The following DGKB variants were observed in gnomAD, a reference collection of about 807,000 sequenced individuals.
The protein encoded by DGKB is 90 kDa diacylglycerol kinase.
In DGKB, 67 loss-of-function variants were observed where a neutral mutation model predicts 114.3. The observed-to-expected ratio is 0.59, with a 90% CI of 0.48 to 0.72. The LOEUF (loss-of-function observed/expected upper bound fraction) is 0.72. Ranked by LOEUF, DGKB falls within the 30% of genes least tolerant of loss-of-function variation. The pLI is 0.00. For missense variants in DGKB, 907 were observed against 975.2 expected (o/e 0.93, Z 0.93); for synonymous variants, 398 against 323.1 (o/e 1.23, Z -2.49).
chr7:14,862,631 G>GC (rs1349637122), intron 1 of DGKB, among the ~76,000 whole-genome samples: 2 of 151,996 alleles, frequency 1.3e-5, no homozygotes, highest in African/African-American at 4.8e-5. Flanking sequence ...TCAACTCTTA[G>GC]CCAATTGTAA....
At chr7:14,639,004 C>T (rs1216320269) in intron 13 of DGKB, among the ~76,000 whole-genome samples, 1 of 152,084 alleles carries the variant, frequency 6.6e-6, no homozygotes, top group East Asian at 1.9e-4. Context: ...CGCCACTGCA[C>T]TGCAGCCTGG....
At chr7:14,700,317 G>A (rs1012414463) in intron 7 of DGKB, among the ~76,000 whole-genome samples, 2 of 151,442 alleles carry the variant, frequency 1.3e-5, no homozygotes, top group Non-Finnish European at 2.9e-5. Flanking sequence ...GGGTTCAAGC[G>A]GTTCTCCTGC....
chr7:14,217,016 C>G (rs1789095002), intron 23 of DGKB, among the ~76,000 whole-genome samples: 1 of 152,050 alleles, frequency 6.6e-6, no homozygotes, highest in African/African-American at 2.4e-5. Context: ...TTCTGAACCT[C>G]TAAGCTAGGA....
intron 1 of DGKB, among the ~76,000 whole-genome samples, chr7:14,937,916 G>T (rs1166021142): frequency 1.3e-4 from 19 of 151,944 alleles, no homozygotes; most frequent in Non-Finnish European, 1.5e-5. Flanking sequence ...CTCTTCTCTA[G>T]CTTACTTTGT....
intron 21 of DGKB, among the ~76,000 whole-genome samples, chr7:14,447,958 A>G (rs978016465): frequency 6.6e-6 from 1 of 152,118 alleles, no homozygotes; most frequent in African/African-American, 2.4e-5. Context: ...TTTAAATGCC[A>G]AGAAACTTAG....
intron 25 of DGKB, among the ~76,000 whole-genome samples, chr7:14,162,340 G>A (rs950800766): frequency 6.6e-6 from 1 of 152,138 alleles, no homozygotes; most frequent in African/African-American, 2.4e-5. Flanking sequence ...TCCAGAGGAA[G>A]ATATTCAGTT....
intron 1 of DGKB, among the ~76,000 whole-genome samples, chr7:14,846,487 T>A (rs1586881927): frequency 6.6e-6 from 1 of 152,208 alleles, no homozygotes; most frequent in African/African-American, 2.4e-5. Context: ...CACAGCTATA[T>A]CTCATGCCTC....
At chr7:14,568,961 C>A (rs79942081) in intron 20 of DGKB, among the ~76,000 whole-genome samples, 1,734 of 152,310 alleles carry the variant, frequency 0.011, 29 homozygotes, top group African/African-American at 0.04. Context: ...GAAGCTTTTT[C>A]ATGCTGTTAT....
At chr7:14,578,676 T>C (rs997579134) in intron 19 of DGKB, among the ~76,000 whole-genome samples, 4 of 152,228 alleles carry the variant, frequency 2.6e-5, no homozygotes, top group African/African-American at 9.6e-5. Flanking sequence ...CACTTTATTA[T>C]GCAATTGGGA....
chr7:14,759,281 C>T (rs1229536966), intron 2 of DGKB, among the ~76,000 whole-genome samples: 2 of 152,128 alleles, frequency 1.3e-5, no homozygotes, highest in East Asian at 3.9e-4. Flanking sequence ...TTGACATTAA[C>T]AATTTCAAAG....
chr7:14,911,300 G>T (rs937645811), intron 1 of DGKB, among the ~76,000 whole-genome samples: 6 of 152,082 alleles, frequency 3.9e-5, no homozygotes, highest in Admixed American at 1.3e-4. Flanking sequence ...CTGTCCAAAT[G>T]CTGAAAATAT....
chr7:14,149,242 GA>G lies in DGKB; in HGVS notation c.2305-5del, dbSNP rs770705134. ...GGTTCTTGTGTGTAATTTTTATCTA[GA>G]AAAAAAGAGAGAGAGAGAGAGAGAA... On this transcript the variant is annotated splice_region_variant and splice_polypyrimidine_tract_variant and intron_variant, in intron 25 of 25. Transcript: ENST00000402815. 6.3e-6 allele frequency: 10 copies of G among 1,590,478 alleles called. No homozygotes were observed. The highest frequency in any genetic ancestry group is 1.1e-5 in the South Asian group (1 of 88,996).
At chr7:14,854,891 G>T (rs957890881) in intron 1 of DGKB, among the ~76,000 whole-genome samples, 1 of 152,084 alleles carries the variant, frequency 6.6e-6, no homozygotes, top group African/African-American at 2.4e-5. Context: ...AAATAGACAC[G>T]TAATAGCTCT....
chr7:14,148,754 A>G lies in DGKB; in HGVS notation c.*377T>C. On this transcript the variant is annotated 3_prime_UTR_variant, in exon 26 of 26. Transcript: ENST00000402815. ...CGTTACTGATTAGTGCTTCGTAATA[A>G]TTGGAATCACACTGAGAATCACGTT... 3.5e-6 allele frequency: 1 copy of G among 284,604 alleles called. No homozygotes were observed. The highest frequency in any genetic ancestry group is 6.7e-6 in the Non-Finnish European group (1 of 148,960). The allele number at this position is 284,604 out of a possible 1,614,324, so 17.6% of individuals were successfully genotyped here. A position where few individuals can be genotyped will look rare whatever the true frequency, so the allele number is the denominator to read the frequency against.
chr7:14,344,168 A>G (rs1194056262), intron 22 of DGKB, among the ~76,000 whole-genome samples: 2 of 151,178 alleles, frequency 1.3e-5, no homozygotes, highest in Admixed American at 6.6e-5. Flanking sequence ...CAGAAAGTCC[A>G]CGTTGAACCC....
intron 4 of DGKB, among the ~76,000 whole-genome samples, chr7:14,746,937 A>C (rs1211745031): frequency 7.1e-6 from 1 of 140,716 alleles, no homozygotes; most frequent in East Asian, 2.1e-4. Flanking sequence ...AACTTTTATA[A>C]GGCAATAATT....
chr7:14,740,842 G>A (rs980706509), intron 4 of DGKB, among the ~76,000 whole-genome samples: 1 of 152,140 alleles, frequency 6.6e-6, no homozygotes, highest in Non-Finnish European at 1.5e-5. Context: ...TGACACCCAT[G>A]GGTGGCACCC....
At chr7:14,530,753 A>T (rs969790534) in intron 20 of DGKB, among the ~76,000 whole-genome samples, 1 of 151,526 alleles carries the variant, frequency 6.6e-6, no homozygotes, top group Non-Finnish European at 1.5e-5. Flanking sequence ...ATTAGACTAA[A>T]TCTTTCCTTT....
intron 21 of DGKB, among the ~76,000 whole-genome samples, chr7:14,426,886 C>G (rs1407024669): frequency 8.1e-6 from 1 of 124,094 alleles, no homozygotes; most frequent in East Asian, 2.6e-4. Flanking sequence ...GAAACCCCAT[C>G]TCTACTAAAA....
Sources: allele counts gnomAD v4.1 joint callset (sites outside exome capture counted in the v4.1 genomes callset), GRCh38; gene constraint gnomAD v4.1.1; transcripts MANE v1.5; gene names NCBI Gene and HGNC (gene_info 2026-07-23, HGNC 2026-07-21).